The following SLC4A4 variants were observed in gnomAD, a reference collection of about 807,000 sequenced individuals.
SLC4A4 encodes the protein electrogenic sodium bicarbonate cotransporter 1.
SLC4A4 carries 27 observed loss-of-function variants against 111.5 expected under a neutral mutation model. The observed-to-expected ratio is 0.24, with a 90% CI of 0.18 to 0.33. The LOEUF is 0.33. SLC4A4 is among the 10% of genes least tolerant of loss of function. The pLI, the probability that SLC4A4 is intolerant of heterozygous loss-of-function variation, is 1.00. For missense variants in SLC4A4, 909 were observed against 1,315.5 expected (o/e 0.69, Z 4.78); for synonymous variants, 443 against 463.4 (o/e 0.96, Z 0.57).
At chr4:71,311,888 TGTGA>T (rs201434667) in intron 3 of SLC4A4, among the ~76,000 whole-genome samples, 7,190 of 31,436 alleles carry the variant, frequency 0.23, 194 homozygotes, top group Middle Eastern at 0.35. Context: ...TGTGCAAGGC[TGTGA>T]GAGAGAGAGA....
chr4:71,498,486 T>C (rs1730612699), intron 16 of SLC4A4, among the ~76,000 whole-genome samples: 1 of 152,184 alleles, frequency 6.6e-6, no homozygotes, highest in African/African-American at 2.4e-5. Flanking sequence ...TCTGTACAGC[T>C]GACATCTCAT....
Position 71,371,656 on chromosome 4 carries a change from A to T in SLC4A4, c.730+14469A>T, listed in dbSNP as rs1578943899. On this transcript the variant is annotated intron_variant, in intron 6 of 25. Transcript: ENST00000264485. ...AACACAGATCTTTTCAAGTCTTAAA[A>T]TTCCATAACTCCTATTTTCTGTGCC... Among the ~76,000 whole-genome samples, 4 of 152,204 alleles carry T rather than the reference A, an allele frequency of 2.6e-5. No individual in the cohort carries two copies. In the East Asian group the frequency reaches 7.7e-4, roughly 29 times the overall value.
intron 1 of SLC4A4, among the ~76,000 whole-genome samples, chr4:71,203,465 G>A (rs935512038): frequency 3.4e-4 from 51 of 152,202 alleles, no homozygotes; most frequent in African/African-American, 1.1e-3. Context: ...TATTTAATCC[G>A]AAGCCAGCCA....
chr4:71,238,204 A>C (rs1025986496), intron 2 of SLC4A4, among the ~76,000 whole-genome samples: 2 of 152,220 alleles, frequency 1.3e-5, no homozygotes, highest in East Asian at 3.8e-4. Flanking sequence ...TCCTTTGAGA[A>C]TAATGTTCTA....
intron 16 of SLC4A4, among the ~76,000 whole-genome samples, chr4:71,521,458 T>G (rs1732925833): frequency 6.6e-6 from 1 of 152,102 alleles, no homozygotes; most frequent in South Asian, 2.1e-4. Flanking sequence ...AGTCTTGAAC[T>G]CCTAGGTTCA....
At chr4:71,194,647 A>G (rs1745903208) in intron 1 of SLC4A4, among the ~76,000 whole-genome samples, 1 of 152,194 alleles carries the variant, frequency 6.6e-6, no homozygotes. Flanking sequence ...ACCCTTGAAA[A>G]TGATTACACT....
At chr4:71,096,366 A>G (rs79044551) in intron 2 of SLC4A4, among the ~76,000 whole-genome samples, 1,747 of 152,238 alleles carry the variant, frequency 0.011, 38 homozygotes, top group African/African-American at 0.04. Context: ...ACACTGAAAA[A>G]CACTGACATT....
intron 2 of SLC4A4, among the ~76,000 whole-genome samples, chr4:71,154,782 C>A (rs1233792183): frequency 4.6e-5 from 7 of 151,790 alleles, no homozygotes; most frequent in African/African-American, 9.7e-5. Flanking sequence ...CAAATCTATG[C>A]CAATTAAGGA....
At chr4:71,495,957 C>T (rs1445938204) in intron 15 of SLC4A4, among the ~76,000 whole-genome samples, 8 of 151,930 alleles carry the variant, frequency 5.3e-5, no homozygotes, top group Admixed American at 5.3e-4. Flanking sequence ...AGGAAAGAGC[C>T]AGATTGTCAC....
chr4:71,358,719 TG>T (rs1730503326), intron 6 of SLC4A4, among the ~76,000 whole-genome samples: 1 of 152,152 alleles, frequency 6.6e-6, no homozygotes, highest in African/African-American at 2.4e-5. Context: ...TTTTTTTTGT[TG>T]TTTTAGTTGT....
intron 7 of SLC4A4, among the ~76,000 whole-genome samples, chr4:71,420,398 T>A (rs1722331833): frequency 6.6e-6 from 1 of 152,188 alleles, no homozygotes; most frequent in Admixed American, 6.5e-5. Flanking sequence ...TGGAACCAAG[T>A]TGGAAAACAC....
At chr4:71,109,662 C>T (rs1165871885) in intron 2 of SLC4A4, among the ~76,000 whole-genome samples, 1 of 151,928 alleles carries the variant, frequency 6.6e-6, no homozygotes, top group Non-Finnish European at 1.5e-5. Flanking sequence ...TATGCCTCAG[C>T]CTCCCAAGAA....
chr4:71,128,008 C>T (rs572089445), intron 2 of SLC4A4, among the ~76,000 whole-genome samples: 70 of 152,296 alleles, frequency 4.6e-4, no homozygotes, highest in Non-Finnish European at 8.7e-4. Flanking sequence ...ATCGCTTGAG[C>T]GTGGGAGGCA....
At chr4:71,173,387 ATTTAT>A (rs1744996456) in intron 2 of SLC4A4, among the ~76,000 whole-genome samples, 1 of 151,958 alleles carries the variant, frequency 6.6e-6, no homozygotes, top group Non-Finnish European at 1.5e-5. Context: ...TAATTAATTA[ATTTAT>A]TTATTTTGAA....
At chr4:71,497,455 A>T in intron 15 of SLC4A4, 46 bp from the exon 16 acceptor site, 1 of 1,506,404 alleles carries the variant, frequency 6.6e-7, no homozygotes, top group Non-Finnish European at 9.2e-7. Flanking sequence ...GCTGCTTTTT[A>T]TATGTCAATG....
chr4:71,464,756 C>G (rs528602340), intron 12 of SLC4A4, among the ~76,000 whole-genome samples: 100 of 152,188 alleles, frequency 6.6e-4, no homozygotes, highest in African/African-American at 2.3e-3. Context: ...GAATTCCACC[C>G]TTAAAATAGG....
At chr4:71,475,903 A>C (rs1728321767) in intron 14 of SLC4A4, among the ~76,000 whole-genome samples, 1 of 151,830 alleles carries the variant, frequency 6.6e-6, no homozygotes, top group Non-Finnish European at 1.5e-5. Flanking sequence ...TTTAGCCTTG[A>C]AGTGTAAGTA....
chr4:71,438,828 T>C (rs969693332), intron 7 of SLC4A4, among the ~76,000 whole-genome samples: 1 of 152,148 alleles, frequency 6.6e-6, no homozygotes, highest in African/African-American at 2.4e-5. Context: ...TATACTGAAA[T>C]TTTGCCTTAT....
chr4:71,088,476 G>T lies in SLC4A4; in HGVS notation c.-64-4254G>T, dbSNP rs573610616. ...TGTTAGCTGGTTATTTTGCTCGTTAGTTGATGCAGTTTCTTCCTAGCCTTA... is the reference window on the plus strand; with the variant it reads ...TGTTAGCTGGTTATTTTGCTCGTTATTTGATGCAGTTTCTTCCTAGCCTTA... On this transcript the variant is annotated intron_variant, in intron 1 of 26. Transcript: ENST00000649996. Among the ~76,000 whole-genome samples the T allele has an allele frequency of 7.9e-5, 12 of 152,174 alleles. No individual in the cohort carries two copies. In the East Asian group the frequency reaches 1.2e-3, roughly 15 times the overall value.
Sources: gnomAD v4.1 joint callset for allele counts (sites outside exome capture counted in the v4.1 genomes callset) on GRCh38, gnomAD v4.1.1 for gene constraint, MANE v1.5 for transcripts, NCBI Gene and HGNC (gene_info 2026-07-23, HGNC 2026-07-21) for gene names.